CFAP92: variants seen among roughly 807,000 people sequenced by gnomAD.
CFAP92 encodes cilia and flagella associated protein 92 (putative).
In CFAP92, 86 loss-of-function variants were observed where a neutral mutation model predicts 106.3. That is an observed-to-expected ratio of 0.81 (90% CI 0.68 to 0.97). The LOEUF is 0.97. Ranked by LOEUF, CFAP92 falls within the 50% of genes least tolerant of loss-of-function variation. The pLI is 0.00. For missense variants in CFAP92, 1,204 were observed against 1,283.8 expected, an observed-to-expected ratio of 0.94 and a Z score of 0.95; for synonymous variants, 477 against 506.4, an observed-to-expected ratio of 0.94 and a Z score of 0.78.
upstream of CFAP92, chr3:129,003,923 C>G (rs142391828): frequency 2.2e-6 from 3 of 1,368,576 alleles, no homozygotes; most frequent in Non-Finnish European, 2.8e-6. Flanking sequence ...GCGGCTGCGC[C>G]GTGGCCAGGC....
intron 9 of CFAP92, among the ~76,000 whole-genome samples, chr3:128,957,643 A>G (rs911387698): frequency 4.6e-5 from 7 of 152,252 alleles, no homozygotes; most frequent in African/African-American, 1.7e-4. Flanking sequence ...AAGCTCTAAT[A>G]TATCAACATT....
At chr3:128,926,378 G>A (rs1358294229) in intron 12 of CFAP92, among the ~76,000 whole-genome samples, 2 of 152,162 alleles carry the variant, frequency 1.3e-5, no homozygotes, top group Non-Finnish European at 2.9e-5. Context: ...GCCAGGCATG[G>A]TGGCACACAC....
chr3:128,998,502 T>TTCTGGGC (rs1471574834), upstream of CFAP92, among the ~76,000 whole-genome samples: 1 of 152,210 alleles, frequency 6.6e-6, no homozygotes, highest in Admixed American at 6.5e-5. Context: ...TCCCAGACAG[T>TTCTGGGC]TCTGGGCTCT....
Position 128,909,958 on chromosome 3 carries a change from G to T in CFAP92, c.*341C>A. The stretch of plus-strand genomic sequence containing the variant: ...AAGACAGGCAAAGATGCAGCCCAGG[G>T]AGGGACCATGTGGGGGACTGGTCTA... On this transcript the variant is annotated 3_prime_UTR_variant, in exon 16 of 16. Coordinates refer to ENST00000645291, the MANE Select transcript of CFAP92 (RefSeq NM_001394090.1). The T allele has an allele frequency of 1.1e-5, 17 of 1,598,864 alleles. No homozygotes were observed. Among genetic ancestry groups the T allele is most frequent in the Non-Finnish European group, 1.4e-5 (16 of 1,173,530 alleles).
intron 15 of CFAP92, chr3:128,910,791 C>T: frequency 1.9e-6 from 3 of 1,614,198 alleles, no homozygotes; most frequent in Non-Finnish European, 2.5e-6. Context: ...AGAATCTCTT[C>T]AGCCTCTCTC....
chr3:128,927,808 C>T (rs892270437), intron 12 of CFAP92, among the ~76,000 whole-genome samples: 4 of 151,564 alleles, frequency 2.6e-5, no homozygotes, highest in African/African-American at 9.7e-5. Context: ...ATTAATTTCA[C>T]AAAAGAAGTG....
At chr3:128,957,961 G>T (rs1559896899) in intron 9 of CFAP92, among the ~76,000 whole-genome samples, 2 of 152,150 alleles carry the variant, frequency 1.3e-5, no homozygotes, top group African/African-American at 4.8e-5. Flanking sequence ...GCCTCTTCCA[G>T]CTTCTGGTGG....
At chr3:128,952,912 A>G (rs909444867) in intron 9 of CFAP92, among the ~76,000 whole-genome samples, 4 of 151,998 alleles carry the variant, frequency 2.6e-5, no homozygotes, top group South Asian at 4.1e-4. Flanking sequence ...GTGAAACCCC[A>G]TATCTACTAA....
intron 7 of CFAP92, among the ~76,000 whole-genome samples, chr3:128,972,011 C>T (rs1445469609): frequency 2.6e-5 from 4 of 152,154 alleles, no homozygotes; most frequent in Admixed American, 6.5e-5. Context: ...ATGGGACAGA[C>T]GAGAAAGCCC....
intron 9 of CFAP92, among the ~76,000 whole-genome samples, chr3:128,953,762 C>T (rs1238970584): frequency 1.6e-5 from 2 of 123,902 alleles, no homozygotes; most frequent in Non-Finnish European, 3.2e-5. Context: ...ATTGCAGGCA[C>T]GCGCCACCAC....
intron 4 of CFAP92, 128 bp from the exon 5 acceptor site, chr3:128,978,313 A>G: frequency 1.1e-6 from 1 of 870,222 alleles, no homozygotes; most frequent in Admixed American, 2.7e-5. Flanking sequence ...AAATATCACA[A>G]TAAAGTGAGT....
intron 9 of CFAP92, among the ~76,000 whole-genome samples, chr3:128,950,375 A>G (rs1016505563): frequency 3.9e-5 from 6 of 152,242 alleles, no homozygotes; most frequent in Non-Finnish European, 8.8e-5. Flanking sequence ...CTCAGCCATG[A>G]GCAGTGGGCC....
chr3:129,003,669 C>G (rs1944910481), upstream of CFAP92: 3 of 975,538 alleles, frequency 3.1e-6, no homozygotes, highest in Non-Finnish European at 3.9e-6. Flanking sequence ...CGGAAGCAGA[C>G]GGCGCAAGAA....
At chr3:128,963,285 TG>T (rs1402751160) in intron 9 of CFAP92, among the ~76,000 whole-genome samples, 5 of 152,190 alleles carry the variant, frequency 3.3e-5, no homozygotes, top group African/African-American at 9.6e-5. Flanking sequence ...GACCACACCG[TG>T]TAGCCTTTCT....
intron 4 of CFAP92, among the ~76,000 whole-genome samples, chr3:128,984,999 A>C (rs761398456): frequency 9.9e-5 from 15 of 152,254 alleles, no homozygotes; most frequent in Non-Finnish European, 1.6e-4. Context: ...ATCTCTGGAC[A>C]GGAATCATGT....
At chr3:129,000,971 G>C (rs1299695447) in intron 1 of CFAP92, among the ~76,000 whole-genome samples, 1 of 152,230 alleles carries the variant, frequency 6.6e-6, no homozygotes, top group African/African-American at 2.4e-5. Flanking sequence ...CTCTTTGCAC[G>C]GTCTATGGTG....
At chr3:128,920,741 CTA>C (rs1937207574) in intron 12 of CFAP92, among the ~76,000 whole-genome samples, 1 of 152,176 alleles carries the variant, frequency 6.6e-6, no homozygotes, top group Non-Finnish European at 1.5e-5. Context: ...GCACTACAAT[CTA>C]AGCCCAGGGC....
intron 15 of CFAP92, among the ~76,000 whole-genome samples, chr3:128,911,348 G>C (rs369311963): frequency 6.6e-6 from 1 of 152,152 alleles, no homozygotes; most frequent in African/African-American, 2.4e-5. Flanking sequence ...ATGAGCCACC[G>C]CACCGGGCCT....
chr3:128,915,079 G>A (rs558660636), intron 15 of CFAP92, 40 bp downstream of exon 15: 45 of 1,526,346 alleles, frequency 2.9e-5, no homozygotes, highest in African/African-American at 1.8e-4. Context: ...GCCTGCCCAC[G>A]GCATCAGGAG....
Sources: allele counts gnomAD v4.1 joint callset (sites outside exome capture counted in the v4.1 genomes callset), GRCh38; gene constraint gnomAD v4.1.1; transcripts MANE v1.5; gene names NCBI Gene and HGNC (gene_info 2026-07-23, HGNC 2026-07-21).